IL7: variants seen among roughly 807,000 people sequenced by gnomAD.
IL7 encodes interleukin-7.
Under a neutral mutation model 21.6 loss-of-function variants are expected in IL7, and 3 were observed. The ratio of observed to expected loss-of-function variants is 0.14; its 90% confidence interval spans 0.06 to 0.36. The LOEUF is 0.36. Ranked by LOEUF, IL7 falls within the 10% of genes least tolerant of loss-of-function variation. The pLI is 1.00. For synonymous variants in IL7, 62 were observed against 68.1 expected, an observed-to-expected ratio of 0.91 and a Z score of 0.44; for missense variants, 175 against 200.2, an observed-to-expected ratio of 0.87 and a Z score of 0.76.
At chr8:78,768,916 A>T (rs988474593) in intron 2 of IL7, among the ~76,000 whole-genome samples, 3 of 152,192 alleles carry the variant, frequency 2.0e-5, no homozygotes, top group Non-Finnish European at 4.4e-5. Context: ...GCATATAAAC[A>T]GAACCAAAGA....
intron 4 of IL7, among the ~76,000 whole-genome samples, chr8:78,684,454 T>C (rs1809891532): frequency 1.3e-5 from 2 of 152,338 alleles, no homozygotes; most frequent in East Asian, 1.9e-4. Flanking sequence ...GCCCCCGTGA[T>C]TCAATTACCT....
At chr8:78,675,692 A>G, downstream of IL7, 1 of 1,164,846 alleles carries the variant, frequency 8.6e-7, no homozygotes, top group Non-Finnish European at 1.2e-6. Context: ...ACAAAAACTG[A>G]TAATTTACCT....
chr8:78,727,318 T>C (rs999730671), intron 3 of IL7, among the ~76,000 whole-genome samples: 2 of 151,996 alleles, frequency 1.3e-5, no homozygotes, highest in African/African-American at 4.8e-5. Flanking sequence ...ATATAATAGA[T>C]CATTAGCCAG....
At chr8:78,699,982 G>C (rs115475753) in intron 3 of IL7, among the ~76,000 whole-genome samples, 1 of 152,238 alleles carries the variant, frequency 6.6e-6, no homozygotes, top group African/African-American at 2.4e-5. Context: ...TATATACTCA[G>C]TAATGGGATT....
chr8:78,796,894 G>A (rs1813870690), intron 2 of IL7, among the ~76,000 whole-genome samples: 1 of 151,946 alleles, frequency 6.6e-6, no homozygotes, highest in Non-Finnish European at 1.5e-5. Context: ...CAGCAGTCAT[G>A]CTTGTAGGTA....
intron 2 of IL7, among the ~76,000 whole-genome samples, chr8:78,767,606 TA>T (rs1246854840): frequency 1.3e-5 from 2 of 152,072 alleles, no homozygotes; most frequent in Non-Finnish European, 2.9e-5. Flanking sequence ...ACGCACTTTT[TA>T]TATTCTTAGG....
intron 3 of IL7, among the ~76,000 whole-genome samples, chr8:78,708,528 AC>A (rs1810852284): frequency 6.6e-6 from 1 of 151,850 alleles, no homozygotes; most frequent in Non-Finnish European, 1.5e-5. Context: ...AAAAACAAAA[AC>A]AAAAACAACC....
chr8:78,675,770 A>C (rs770223686), exon 5 of IL7: 22 of 1,583,140 alleles, frequency 1.4e-5, no homozygotes, highest in Non-Finnish European at 1.9e-5. Context: ...TATTTATTAA[A>C]TTCCTTCCTG....
chr8:78,677,960 T>C (rs1343792869), intron 4 of IL7, among the ~76,000 whole-genome samples: 1 of 152,280 alleles, frequency 6.6e-6, no homozygotes, highest in African/African-American at 2.4e-5. Context: ...CTTCCTCTTT[T>C]TAAACCATAT....
At chr8:78,751,091 C>CA (rs200930977) in intron 2 of IL7, among the ~76,000 whole-genome samples, 20,123 of 122,616 alleles carry the variant, frequency 0.16, 1,773 homozygotes, top group East Asian at 0.34. Context: ...AGCAAAAATT[C>CA]AAAAAAAAAA....
At chr8:78,761,334 T>G (rs1812548778) in intron 2 of IL7, 11 of 1,611,768 alleles carry the variant, frequency 6.8e-6, no homozygotes, top group Middle Eastern at 4.5e-4. Flanking sequence ...AACCACATAT[T>G]TAAGGCACAG....
chr8:78,741,523 A>T (rs1468242152), intron 2 of IL7, among the ~76,000 whole-genome samples: 1 of 152,210 alleles, frequency 6.6e-6, no homozygotes, highest in African/African-American at 2.4e-5. Context: ...ATCGTATGAG[A>T]CAATATGTCA....
downstream of IL7, among the ~76,000 whole-genome samples, chr8:78,714,914 T>C (rs559478073): frequency 7.2e-5 from 11 of 152,334 alleles, no homozygotes; most frequent in South Asian, 1.9e-3. Context: ...GAGGGAAATA[T>C]AAATTTAAAC....
At chr8:78,797,313 G>A (rs560045540) in intron 2 of IL7, among the ~76,000 whole-genome samples, 1 of 152,038 alleles carries the variant, frequency 6.6e-6, no homozygotes, top group Admixed American at 6.6e-5. Context: ...TGTATGATAT[G>A]TAATCACGGA....
chr8:78,713,949 T>C (rs1811021844), downstream of IL7, among the ~76,000 whole-genome samples: 1 of 152,192 alleles, frequency 6.6e-6, no homozygotes, highest in African/African-American at 2.4e-5. Flanking sequence ...AAATAGTGGA[T>C]GTTGTTATTA....
At chr8:78,804,639 T>C (rs907020871) in intron 1 of IL7, among the ~76,000 whole-genome samples, 1 of 152,214 alleles carries the variant, frequency 6.6e-6, no homozygotes, top group Admixed American at 6.5e-5. Context: ...GCGCGGAGGC[T>C]GCAGCGTTCC....
intron 3 of IL7, among the ~76,000 whole-genome samples, chr8:78,705,120 C>T (rs1810730897): frequency 6.6e-6 from 1 of 152,222 alleles, no homozygotes; most frequent in East Asian, 1.9e-4. Context: ...GTCTCAGCCT[C>T]AGCCTGATTC....
chr8:78,765,712 A>G (rs539990016), intron 2 of IL7, among the ~76,000 whole-genome samples: 7 of 152,238 alleles, frequency 4.6e-5, no homozygotes, highest in Non-Finnish European at 1.0e-4. Context: ...AGCAAAAAGA[A>G]TTCTCATTCA....
At chr8:78,786,401 T>C (rs757740705) in intron 2 of IL7, among the ~76,000 whole-genome samples, 6 of 152,172 alleles carry the variant, frequency 3.9e-5, no homozygotes, top group Non-Finnish European at 7.4e-5. Context: ...GCACCTTCCA[T>C]GAATGGAGCT....
Sources: allele counts gnomAD v4.1 joint callset (sites outside exome capture counted in the v4.1 genomes callset), GRCh38; gene constraint gnomAD v4.1.1; transcripts MANE v1.5; gene names NCBI Gene and HGNC (gene_info 2026-07-23, HGNC 2026-07-21).